TMEM129: variants seen among roughly 807,000 people sequenced by gnomAD.
TMEM129 encodes E3 ubiquitin-protein ligase TM129.
TMEM129 carries 35 observed loss-of-function variants against 34.1 expected under a neutral mutation model. The ratio of observed to expected loss-of-function variants is 1.03; its 90% CI spans 0.78 to 1.36. The LOEUF is 1.36. TMEM129 is among the 40% of genes most tolerant of loss of function. The probability of loss-of-function intolerance (pLI) is 0.00; values close to 1 mark genes in which losing one functional copy is unlikely to be tolerated. For synonymous variants in TMEM129, 239 were observed against 217.3 expected, an observed-to-expected ratio of 1.10 and a Z score of -0.88; for missense variants, 504 against 512.6, an observed-to-expected ratio of 0.98 and a Z score of 0.16.
At position 1,718,151 on chromosome 4, in the gene TMEM129, C is replaced by T. The variant is rs1450392996; in HGVS notation, c.680+1G>A. 1.9e-6 allele frequency: 3 copies of T among 1,548,010 alleles called. No homozygotes were observed. Among genetic ancestry groups the T allele is most frequent in the Non-Finnish European group, 1.7e-6 (2 of 1,146,050 alleles). ...CAGCCCCACAGGCACCACACTCTTA[C>T]CAGATGTCAAAGGCCTGCACAGCAG... On this transcript the variant is annotated splice_donor_variant, in intron 2 of 3. Transcript: ENST00000382936. LOFTEE classifies it high-confidence loss of function.
intron 1 of TMEM129, among the ~76,000 whole-genome samples, chr4:1,719,624 A>G (rs1158194016): frequency 1.3e-5 from 2 of 152,278 alleles, no homozygotes; most frequent in Non-Finnish European, 2.9e-5. Flanking sequence ...CTGTGAGGCC[A>G]GCTGTGCTGT....
chr4:1,720,415 G>A lies in TMEM129; in HGVS notation c.205+218C>T, dbSNP rs557162436. 6.6e-6 allele frequency among the ~76,000 whole-genome samples: 1 copy of A among 152,372 alleles called. No homozygotes were observed. Among genetic ancestry groups the A allele is most frequent in the Non-Finnish European group, 1.5e-5 (1 of 68,036 alleles). On this transcript the variant is annotated intron_variant, in intron 1 of 3. Coordinates refer to ENST00000382936, the MANE Select transcript of TMEM129 (RefSeq NM_001127266.2). This position sits in a 1 kb window ranked among gnomAD's most constrained non-coding sequence, Gnocchi z 4.4. The stretch of plus-strand genomic sequence containing the variant: ...TGGGCCGGAGCATCCCTTGCCCAAG[G>A]TTCTGAACTTGGGTTCCCGTCACCT...
In TMEM129 at chr4:1,717,140, T is replaced by G; in HGVS notation, c.*40A>C. On this transcript the variant is annotated 3_prime_UTR_variant, in exon 4 of 4. Transcript: ENST00000382936. ...CCACCCCCTTCCCTGCCCTGTGGCT[T>G]TGGGGGGAGACACAGAGTCACCTCA... is the stretch of plus-strand genomic sequence containing the variant. 1 of 1,399,732 alleles carries G rather than the reference T, an allele frequency of 7.1e-7. No individual in the cohort carries two copies. Among genetic ancestry groups the G allele is most frequent in the Non-Finnish European group, 9.3e-7 (1 of 1,076,400 alleles). 86.7% of individuals were successfully genotyped at this position (1,399,732 alleles called of 1,614,324 possible).
Position 1,720,828 on chromosome 4 carries a change from G to C in TMEM129, c.10C>G (p.Pro4Ala). The C allele has an allele frequency of 6.3e-7, 1 of 1,583,200 alleles. No individual in the cohort carries two copies. The highest frequency in any genetic ancestry group is 8.6e-7 in the Non-Finnish European group (1 of 1,166,346). Residue 4 changes from proline (P) to alanine (A), a missense_variant, in exon 1 of 4, where the codon CCC (proline) becomes GCC (alanine). By Grantham distance (27) the Pro-to-Ala change is conservative (BLOSUM62 -1). Transcript: ENST00000382936. The surrounding 1 kb of genome is among the most constrained non-coding windows in gnomAD (Gnocchi z 4.4). MDS[P>A]EVTFTLAYLV... ...TAGGCGAGAGTGAAGGTCACCTCGGGGCTGTCCATCGCGCAGCCGCCGGGA... is the reference window on the plus strand; with the variant it reads ...TAGGCGAGAGTGAAGGTCACCTCGGCGCTGTCCATCGCGCAGCCGCCGGGA...
Position 1,718,476 on chromosome 4 carries a change from C to T in TMEM129, c.356G>A (p.Trp119Ter). 6.4e-7 allele frequency: 1 copy of T among 1,554,208 alleles called. No individual in the cohort carries two copies. Among genetic ancestry groups the T allele is most frequent in the Non-Finnish European group, 8.7e-7 (1 of 1,147,492 alleles). ...ILIYYWSRDR[W>*]ACHPLARTLA... ...GGTGCGCGCCAGTGGGTGGCAGGCCCACCGGTCACGGGACCAGTAGTAGAT... is the reference window on the plus strand; with the variant it reads ...GGTGCGCGCCAGTGGGTGGCAGGCCTACCGGTCACGGGACCAGTAGTAGAT... Residue 119 changes from tryptophan (W) to a stop codon, truncating the protein, a stop_gained, in exon 2 of 4, where the codon TGG (tryptophan) becomes TAG (stop). Transcript: ENST00000382936. LOFTEE classifies it high-confidence loss of function.
At position 1,716,793 on chromosome 4, in the gene TMEM129, G is replaced by A. The variant is rs545237967; in HGVS notation, c.*387C>T. The A allele has an allele frequency of 4.9e-6, 1 of 202,430 alleles. No homozygotes were observed. Among genetic ancestry groups the A allele is most frequent in the African/African-American group, 2.3e-5 (1 of 43,550 alleles). The allele number at this position is 202,430 out of a possible 1,614,324, so 12.5% of individuals were successfully genotyped here. On this transcript the variant is annotated 3_prime_UTR_variant, in exon 4 of 4. Coordinates refer to ENST00000382936, the MANE Select transcript of TMEM129 (RefSeq NM_001127266.2). ...TGCGGTCCAGGTCTGGCACGTAACT[G>A]AGGGTGGGTATGCTCCAGAGAAGTA...
rs1716988870 is a variant in TMEM129 at position 1,716,938 on chromosome 4, G to A, written c.*242C>T. 2 of 421,418 alleles carry A rather than the reference G, an allele frequency of 4.7e-6. No individual in the cohort carries two copies. Among genetic ancestry groups the A allele is most frequent in the Non-Finnish European group, 8.2e-6 (2 of 243,982 alleles). 26.1% of individuals were successfully genotyped at this position (421,418 alleles called of 1,614,324 possible). On this transcript the variant is annotated 3_prime_UTR_variant, in exon 4 of 4. Transcript: ENST00000382936. ...GCCCCCACCAGCAGGAAAGGGGCAGGAGGGAGGCAAAGAGGAGGTGCCCAG... is the reference window on the plus strand; with the variant it reads ...GCCCCCACCAGCAGGAAAGGGGCAGAAGGGAGGCAAAGAGGAGGTGCCCAG...
chr4:1,718,652 G>A (rs1717114179), intron 1 of TMEM129, 26 bp from the exon 2 acceptor site: 7 of 1,441,068 alleles, frequency 4.9e-6, no homozygotes, highest in East Asian at 2.5e-5. Flanking sequence ...TGAGCCTCAG[G>A]GGAAAGTGAG....
rs1717231060 is a variant in TMEM129 at position 1,720,303 on chromosome 4, G to A, written c.205+330C>T. On this transcript the variant is annotated intron_variant, in intron 1 of 3. Transcript: ENST00000382936. The surrounding 1 kb of genome is among the most constrained non-coding windows in gnomAD (Gnocchi z 4.4). ...CTTCCGTTGGACTCAATCAACAGTT[G>A]CCTTCTCCTGGCCACTGCCCCCAAC... Among the ~76,000 whole-genome samples the A allele has an allele frequency of 6.6e-6, 1 of 152,226 alleles. No individual in the cohort carries two copies. The highest frequency in any genetic ancestry group is 1.5e-5 in the Non-Finnish European group (1 of 68,040).
At chr4:1,719,317 G>T in intron 1 of TMEM129, 1 of 439,988 alleles carries the variant, frequency 2.3e-6, no homozygotes, top group Non-Finnish European at 4.6e-6. Flanking sequence ...ACTTTGGGAA[G>T]CCGAGGCGGA....
chr4:1,718,709 G>A, intron 1 of TMEM129, 83 bp from the exon 2 acceptor site: 1 of 1,423,112 alleles, frequency 7.0e-7, no homozygotes, highest in Non-Finnish European at 9.1e-7. Flanking sequence ...CTGGCCCTCT[G>A]CCCGGGTTCC....
Position 1,717,045 on chromosome 4 carries a change from CCCAGGG to C in TMEM129, c.*129_*134del. ...CCAAAAGTCCTCAGCCTTCTGCAGA[CCCAGGG>C]CAGAGGCGAGTTGCTCTACATCATG... is the stretch of plus-strand genomic sequence containing the variant. On this transcript the variant is annotated 3_prime_UTR_variant, in exon 4 of 4. Transcript: ENST00000382936. The C allele has an allele frequency of 8.7e-7, 1 of 1,152,220 alleles. No homozygotes were observed. The allele number at this position is 1,152,220 out of a possible 1,614,324, so 71.4% of individuals were successfully genotyped here.
intron 1 of TMEM129, among the ~76,000 whole-genome samples, chr4:1,719,905 C>A (rs968085560): frequency 6.6e-6 from 1 of 152,194 alleles, no homozygotes; most frequent in Non-Finnish European, 1.5e-5. Flanking sequence ...AGGGTCACCC[C>A]TCTTGTATCC....
chr4:1,716,902 G>A lies in TMEM129; in HGVS notation c.*278C>T, dbSNP rs1232703204. ...TCGGGGGCAGACGCTGTGTCTGTGT[G>A]TGCAGGATCTGCCCCCACCAGCAGG... On this transcript the variant is annotated 3_prime_UTR_variant, in exon 4 of 4. Transcript: ENST00000382936. 2.6e-6 allele frequency: 1 copy of A among 389,066 alleles called. No individual in the cohort carries two copies. The highest frequency in any genetic ancestry group is 2.1e-5 in the African/African-American group (1 of 48,484). The allele number at this position is 389,066 out of a possible 1,614,324, so 24.1% of individuals were successfully genotyped here.
At position 1,720,595 on chromosome 4, in the gene TMEM129, C is replaced by CAGG. The variant is rs1717258978; in HGVS notation, c.205+35_205+37dup. ...TCCTGACCTCCCAGCAAGCCCTGCGCAGGAGAGGATGCGGCCGGCCGGCCC... is the reference window on the plus strand; with the variant it reads ...TCCTGACCTCCCAGCAAGCCCTGCGCAGGAGGAGAGGATGCGGCCGGCCGGCCC... On this transcript the variant is annotated intron_variant, in intron 1 of 3. Transcript: ENST00000382936. This position sits in a 1 kb window ranked among gnomAD's most constrained non-coding sequence, Gnocchi z 4.4. 6.6e-7 allele frequency: 1 copy of CAGG among 1,522,872 alleles called. No individual in the cohort carries two copies. The highest frequency in any genetic ancestry group is 2.0e-5 in the Admixed American group (1 of 50,332). The allele number at this position is 1,522,872 out of a possible 1,614,324, so 94.3% of individuals were successfully genotyped here.
chr4:1,721,161 C>A lies in TMEM129; in HGVS notation c.-324G>T, dbSNP rs886617254. ...CAGTCCCCGTGCGGGTGCGGCCTCT[C>A]TTCTCGGCCGGCCCTGGAGGCGGCA... On this transcript the variant is annotated 5_prime_UTR_variant, in exon 1 of 4. The change creates a premature stop within an existing upstream ORF in the 5' untranslated region. Transcript: ENST00000382936. The A allele has an allele frequency of 4.7e-5, 10 of 210,722 alleles. No individual in the cohort carries two copies. Among genetic ancestry groups the A allele is most frequent in the Admixed American group, 3.0e-4 (5 of 16,620 alleles). 13.1% of individuals were successfully genotyped at this position (210,722 alleles called of 1,614,324 possible).
chr4:1,718,124 C>T (rs769667253), intron 2 of TMEM129, 28 bp downstream of exon 2: 133 of 1,509,060 alleles, frequency 8.8e-5, no homozygotes, highest in Middle Eastern at 2.2e-4. Context: ...ATGTGCCCTC[C>T]GCAGCCCCAC....
rs935380021 is a variant in TMEM129 at position 1,720,861 on chromosome 4, G to T, written c.-24C>A. 3.2e-6 allele frequency: 5 copies of T among 1,553,992 alleles called. No individual in the cohort carries two copies. In the African/African-American group the frequency reaches 6.9e-5, roughly 21 times the overall value. Reference sequence around the variant, plus strand: ...ATCGCGCAGCCGCCGGGAAGCTGTCGAGCTAGGCCCCCGCCCCGGCGCGCG... The same window carrying T: ...ATCGCGCAGCCGCCGGGAAGCTGTCTAGCTAGGCCCCCGCCCCGGCGCGCG... On this transcript the variant is annotated 5_prime_UTR_variant, in exon 1 of 4. Coordinates refer to ENST00000382936, the MANE Select transcript of TMEM129 (RefSeq NM_001127266.2). This position sits in a 1 kb window ranked among gnomAD's most constrained non-coding sequence, Gnocchi z 4.4.
intron 1 of TMEM129, among the ~76,000 whole-genome samples, chr4:1,719,829 C>T (rs1370758682): frequency 6.6e-6 from 1 of 152,230 alleles, no homozygotes; most frequent in Non-Finnish European, 1.5e-5. Context: ...GCCTGGGCGC[C>T]TCCACCCGAC....
Sources: gnomAD v4.1 joint callset for allele counts (sites outside exome capture counted in the v4.1 genomes callset) on GRCh38, gnomAD v4.1.1 for gene constraint, Gnocchi (gnomAD v3.1) non-coding constraint, MANE v1.5 for transcripts, NCBI Gene and HGNC (gene_info 2026-07-23, HGNC 2026-07-21) for gene names.